KRT71: variants seen among roughly 807,000 people sequenced by gnomAD.
KRT71 encodes the protein keratin 71.
Under a neutral mutation model 46.2 loss-of-function variants are expected in KRT71, and 42 were observed. The ratio of observed to expected loss-of-function variants is 0.91; its 90% CI spans 0.71 to 1.18. The LOEUF is 1.18. Among genes scored for constraint, KRT71 ranks in the 50% most tolerant of loss-of-function variants. KRT71 has a pLI of 0.00. For missense variants in KRT71, 708 were observed against 677.9 expected (o/e 1.04, Z -0.49); for synonymous variants, 292 against 277.8 (o/e 1.05, Z -0.51).
rs2292506 is a variant in KRT71, at chr12:52,544,536, C to T, written c.1568G>A (p.Arg523Gln). 136,918 of 1,613,626 alleles carry T rather than the reference C, an allele frequency of 0.085. 8,294 individuals carry two copies. Among genetic ancestry groups the T allele is most frequent in the African/African-American group, 0.21 (15,695 of 74,912 alleles). ...CGGGGCCCGGGGCAGTCTTCTCTACCGACTGGTTTTCTTGGAGGGTGCACT... is the reference window on the plus strand; with the variant it reads ...CGGGGCCCGGGGCAGTCTTCTCTACTGACTGGTTTTCTTGGAGGGTGCACT... The part of the protein sequence containing the change: ...SLSAPSKKTS[R>Q] Residue 523 changes from arginine to glutamine, a missense_variant, in exon 9 of 9, where the codon CGG (arginine) becomes CAG (glutamine). By Grantham distance (43) the Arg-to-Gln change is conservative. Coordinates refer to ENST00000267119, the MANE Select transcript of KRT71 (RefSeq NM_033448.3).
chr12:52,548,088 C>G, intron 5 of KRT71, 64 bp downstream of exon 5: 1 of 1,599,882 alleles, frequency 6.3e-7, no homozygotes, highest in Non-Finnish European at 8.5e-7. Context: ...ATTCTGGGCA[C>G]GATCTGTCTC....
intron 8 of KRT71, 47 bp from the exon 9 acceptor site, chr12:52,544,790 G>A: frequency 6.5e-7 from 1 of 1,529,032 alleles, no homozygotes; most frequent in Admixed American, 1.9e-5. Flanking sequence ...GAGAGCTGGG[G>A]AGGCCTCCTT....
chr12:52,550,052 G>T lies in KRT71; in HGVS notation c.633C>A (p.Asp211Glu), dbSNP rs113716134. 3 of 1,614,032 alleles carry T rather than the reference G, an allele frequency of 1.9e-6. No individual in the cohort carries two copies. ...ACCTCTTCTTGTAGTCCTCCACTAC[G>T]TCCCGCACATTCCTCAGCTCCGAGT... ...RLDSELRNVRDVVEDYKKRYE... is the reference protein window; with the variant it reads ...RLDSELRNVREVVEDYKKRYE... Residue 211 changes from aspartate (D) to glutamate (E), a missense_variant, in exon 2 of 9, where the codon GAC becomes GAA. By Grantham distance (45) the Asp-to-Glu change is conservative (BLOSUM62 2). Transcript: ENST00000267119.
Position 52,552,875 on chromosome 12 carries a change from C to T in KRT71, c.203G>A (p.Gly68Asp), listed in dbSNP as rs1279046502. The T allele has an allele frequency of 6.2e-7, 1 of 1,614,220 alleles. No homozygotes were observed. Among genetic ancestry groups the T allele is most frequent in the Non-Finnish European group, 8.5e-7 (1 of 1,180,048 alleles). The change falls in exon 1 of 9, where the codon GGC (glycine) becomes GAC (aspartate). Residue 68 changes from glycine to aspartate, a missense_variant. Gly to Asp is a moderately conservative substitution (Grantham distance 94, BLOSUM62 -1). Transcript: ENST00000267119. Reference sequence around the variant, plus strand: ...GGCCCGGCCCCGGCCAAATCCATAGCCTCCACTCTTCCCGCTGCCACTGGC... The same window carrying T: ...GGCCCGGCCCCGGCCAAATCCATAGTCTCCACTCTTCCCGCTGCCACTGGC... ...NVASGSGKSG[G>D]YGFGRGRASG...
In KRT71 at chr12:52,550,042, C is replaced by T; in HGVS notation, c.643G>A (p.Asp215Asn). Residue 215 changes from aspartate (D) to asparagine (N), a missense_variant, in exon 2 of 9, where the codon GAC becomes AAC. Asp to Asn is a conservative substitution (Grantham distance 23). Transcript: ENST00000267119. ...ELRNVRDVVE[D>N]YKKRYEEEIN... ...CCTCCTGCTCACCTCTTCTTGTAGT[C>T]CTCCACTACGTCCCGCACATTCCTC... The T allele has an allele frequency of 6.2e-7, 1 of 1,614,150 alleles. No homozygotes were observed. The highest frequency in any genetic ancestry group is 2.2e-5 in the East Asian group (1 of 44,872).
At chr12:52,550,326 A>G in intron 1 of KRT71, 83 bp from the exon 2 acceptor site, 1 of 1,512,032 alleles carries the variant, frequency 6.6e-7, no homozygotes, top group Non-Finnish European at 9.0e-7. Flanking sequence ...TAAAGCTTCT[A>G]TCTGCATTTT....
At position 52,550,145 on chromosome 12, in the gene KRT71, G is replaced by A. The variant is rs1198921378; in HGVS notation, c.540C>T (p.Ile180=). The A allele has an allele frequency of 6.2e-7, 1 of 1,614,182 alleles. No homozygotes were observed. The highest frequency in any genetic ancestry group is 1.3e-5 in the African/African-American group (1 of 75,052). The part of the protein sequence containing the change: ...LNNCKNNLEP[I]LEGYISNLRK... ...GCAGGTTGCTGATGTAGCCCTCGAG[G>A]ATGGGCTCCAGGTTGTTCTTGCAGT... is the stretch of plus-strand genomic sequence containing the variant. The change falls in exon 2 of 9, where the codon ATC becomes ATT. Residue 180 remains isoleucine, a synonymous_variant. Coordinates refer to ENST00000267119, the MANE Select transcript of KRT71 (RefSeq NM_033448.3).
chr12:52,549,172 C>A, intron 3 of KRT71, 121 bp downstream of exon 3: 1 of 812,500 alleles, frequency 1.2e-6, no homozygotes, highest in East Asian at 2.4e-5. Flanking sequence ...GTTTTCTCTG[C>A]CTTCACCTTG....
rs139703366 is a variant in KRT71, at chr12:52,550,169, G to A, written c.516C>T (p.Asn172=). 2.1e-3 allele frequency: 3,394 copies of A among 1,614,216 alleles called. 21 individuals are homozygous for A. The highest frequency in any genetic ancestry group is 2.3e-3 in the Non-Finnish European group (2,697 of 1,180,046). Residue 172 remains asparagine, a synonymous_variant, in exon 2 of 9, where the codon AAC becomes AAT. Transcript: ENST00000267119. ...WELLQQLDLN[N]CKNNLEPILE... ...GGATGGGCTCCAGGTTGTTCTTGCAGTTGTTCAGGTCCAGCTGCTGCAGCA... is the reference window on the plus strand; with the variant it reads ...GGATGGGCTCCAGGTTGTTCTTGCAATTGTTCAGGTCCAGCTGCTGCAGCA...
In KRT71 at chr12:52,544,605, C is replaced by A. The variant is rs781567788; in HGVS notation, c.1499G>T (p.Ser500Ile). ...TAGGGTGTCTTTGTAATCGTTGGCA[C>A]TGCCCCGGCTCCTGCCCTCCCCGCC... ...VRGGEGRSRG[S>I]ANDYKDTLGK... Residue 500 changes from serine to isoleucine, a missense_variant, in exon 9 of 9, where the codon AGT becomes ATT. Physicochemically the swap from Ser to Ile is moderately radical, Grantham distance 142. Transcript: ENST00000267119. 2.5e-6 allele frequency: 4 copies of A among 1,613,946 alleles called. No homozygotes were observed. Among genetic ancestry groups the A allele is most frequent in the Non-Finnish European group, 3.4e-6 (4 of 1,180,014 alleles).
At position 52,548,240 on chromosome 12, in the gene KRT71, A is replaced by G; in HGVS notation, c.890T>C (p.Leu297Pro). 6.2e-7 allele frequency: 1 copy of G among 1,614,168 alleles called. No individual in the cohort carries two copies. The highest frequency in any genetic ancestry group is 8.5e-7 in the Non-Finnish European group (1 of 1,180,012). Reference sequence around the variant, plus strand: ...GCGGACTTCGTCAATGATGCTGTCCAGGTCTAGGTTCCGGTTGTTGTCCAT... The same window carrying G: ...GCGGACTTCGTCAATGATGCTGTCCGGGTCTAGGTTCCGGTTGTTGTCCAT... The part of the protein sequence containing the change: ...LSMDNNRNLD[L>P]DSIIDEVRTQ... The change falls in exon 5 of 9, where the codon CTG becomes CCG. Residue 297 changes from leucine (L) to proline (P), a missense_variant. Physicochemically the swap from Leu to Pro is moderately conservative, Grantham distance 98. Transcript: ENST00000267119.
At chr12:52,551,842 T>G (rs906066824) in intron 1 of KRT71, among the ~76,000 whole-genome samples, 4 of 152,222 alleles carry the variant, frequency 2.6e-5, no homozygotes, top group Non-Finnish European at 5.9e-5. Flanking sequence ...CTGGACTGTG[T>G]CATCTCTTCA....
chr12:52,546,516 G>T lies in KRT71; in HGVS notation c.1105-10C>A, dbSNP rs1281571673. The stretch of plus-strand genomic sequence containing the variant: ...TCTCCAGGTTGGAAGCCTAAGGAAG[G>T]AATTGGTGAAGTCGAAAAATTTGGA... On this transcript the variant is annotated splice_polypyrimidine_tract_variant and intron_variant, in intron 6 of 8. Coordinates refer to ENST00000267119, the MANE Select transcript of KRT71 (RefSeq NM_033448.3). 2 of 1,611,430 alleles carry T rather than the reference G, an allele frequency of 1.2e-6. No homozygotes were observed. Among genetic ancestry groups the T allele is most frequent in the Non-Finnish European group, 1.7e-6 (2 of 1,178,564 alleles).
At chr12:52,547,387 C>T (rs1304146435) in intron 6 of KRT71, among the ~76,000 whole-genome samples, 1 of 152,198 alleles carries the variant, frequency 6.6e-6, no homozygotes, top group Admixed American at 6.5e-5. Flanking sequence ...CTTAACAATG[C>T]ACCTTAATGG....
At chr12:52,549,972 G>A in intron 2 of KRT71, 57 bp downstream of exon 2, 1 of 1,588,430 alleles carries the variant, frequency 6.3e-7, no homozygotes, top group South Asian at 1.1e-5. Flanking sequence ...GACTGCCAGG[G>A]GTCCCTTGGA....
chr12:52,547,776 G>A (rs2120565855), intron 6 of KRT71, 81 bp downstream of exon 6: 11 of 1,527,034 alleles, frequency 7.2e-6, no homozygotes, highest in Non-Finnish European at 9.8e-6. Context: ...GATCTGGGAG[G>A]CCCATGTTCT....
chr12:52,544,357 G>T lies in KRT71; in HGVS notation c.*175C>A. 1.4e-6 allele frequency: 1 copy of T among 702,158 alleles called. No individual in the cohort carries two copies. The highest frequency in any genetic ancestry group is 1.6e-5 in the South Asian group (1 of 61,020). The allele number at this position is 702,158 out of a possible 1,614,324, so 43.5% of individuals were successfully genotyped here. ...AATTTCACCAAGCTTGGTCATCCAG[G>T]CCTTCCCAGGATCAGGAAGACACAG... On this transcript the variant is annotated 3_prime_UTR_variant, in exon 9 of 9. Coordinates refer to ENST00000267119, the MANE Select transcript of KRT71 (RefSeq NM_033448.3).
chr12:52,550,346 A>G (rs772184059), intron 1 of KRT71, 103 bp from the exon 2 acceptor site: 7 of 1,349,500 alleles, frequency 5.2e-6, no homozygotes, highest in Middle Eastern at 5.2e-4. Context: ...TCTCCTCAAT[A>G]GAGCTGAAAG....
rs768081350 is a variant in KRT71 at position 52,544,722 on chromosome 12, C to T, written c.1382G>A (p.Gly461Asp). 6.2e-7 allele frequency: 1 copy of T among 1,612,412 alleles called. No homozygotes were observed. Among genetic ancestry groups the T allele is most frequent in the South Asian group, 1.1e-5 (1 of 91,044 alleles). ...GGGCCGGAAGCCATAGACACTGCCG[C>T]CACTGGTGCTGCTGATGATGGCTGC... ...VSISIISSTS[G>D]GSVYGFRPSM... is the part of the protein sequence containing the mutation. Residue 461 changes from glycine to aspartate, a missense_variant, in exon 9 of 9, where the codon GGC (glycine) becomes GAC (aspartate). Physicochemically the swap from Gly to Asp is moderately conservative, Grantham distance 94. Transcript: ENST00000267119.
Sources: gnomAD v4.1 joint callset for allele counts (sites outside exome capture counted in the v4.1 genomes callset) on GRCh38, gnomAD v4.1.1 for gene constraint, MANE v1.5 for transcripts, NCBI Gene and HGNC (gene_info 2026-07-23, HGNC 2026-07-21) for gene names.